The following SLCO2B1 variants were observed in gnomAD, a reference collection of about 807,000 sequenced individuals.
The protein encoded by SLCO2B1 is solute carrier organic anion transporter family member 2B1.
In SLCO2B1, 41 loss-of-function variants were observed where a neutral mutation model predicts 67.3. The observed-to-expected ratio is 0.61, with a 90% CI of 0.47 to 0.79. The LOEUF (loss-of-function observed/expected upper bound fraction) is 0.79, where lower values mean the gene tolerates loss of function less well. Ranked by LOEUF, SLCO2B1 falls within the 30% of genes least tolerant of loss-of-function variation. The pLI is 0.00. For synonymous variants in SLCO2B1, 379 were observed against 381.4 expected, an observed-to-expected ratio of 0.99 and a Z score of 0.07; for missense variants, 837 against 920.1, an observed-to-expected ratio of 0.91 and a Z score of 1.17.
At position 75,193,178 on chromosome 11, in the gene SLCO2B1, G is replaced by C; in HGVS notation, c.1076-40G>C. On this transcript the variant is annotated intron_variant, in intron 8 of 13. Transcript: ENST00000289575. This position sits in a 1 kb window ranked among gnomAD's most constrained non-coding sequence, Gnocchi z 4.2. ...AGGGCAGTCTCTGCTGGACAGCTTG[G>C]CTGCCCTGCCTGCCCTGACCTCTGC... 1 of 1,505,370 alleles carries C rather than the reference G, an allele frequency of 6.6e-7. No individual in the cohort carries two copies. Among genetic ancestry groups the C allele is most frequent in the Non-Finnish European group, 9.1e-7 (1 of 1,102,300 alleles). 93.3% of individuals were successfully genotyped at this position (1,505,370 alleles called of 1,614,324 possible).
Position 75,163,964 on chromosome 11 carries a change from T to C in SLCO2B1, c.149T>C (p.Leu50Pro), listed in dbSNP as rs767405995. Reference protein sequence around the residue: ...VRPSVFHNIKLFVLCHSLLQL... With the variant: ...VRPSVFHNIKPFVLCHSLLQL... ...GCCTGCCTCCGGGTCCCCCCACAGC[T>C]GTTCGTTCTGTGCCACAGCCTGCTG... Residue 50 changes from leucine (L) to proline (P), a missense_variant and splice_region_variant, in exon 3 of 14, where the codon CTG (leucine) becomes CCG (proline). By Grantham distance (98) the Leu-to-Pro change is moderately conservative. Transcript: ENST00000289575. 2.5e-6 allele frequency: 4 copies of C among 1,597,560 alleles called. No homozygotes were observed. In the East Asian group the frequency reaches 9.1e-5, roughly 37 times the overall value.
chr11:75,206,483 C>T lies in SLCO2B1; in HGVS notation c.*1903C>T, dbSNP rs1439859614. The T allele has an allele frequency of 6.6e-6, 1 of 152,112 alleles. No homozygotes were observed. The highest frequency in any genetic ancestry group is 2.4e-5 in the African/African-American group (1 of 41,434). The allele number at this position is 152,112 out of a possible 1,614,324, so 9.4% of individuals were successfully genotyped here. Reference sequence around the variant, plus strand: ...ATAAGGTCATGAGGATTTCTGAATCCTCACCTGTCCAAATTGTCATTCACA... The same window carrying T: ...ATAAGGTCATGAGGATTTCTGAATCTTCACCTGTCCAAATTGTCATTCACA... On this transcript the variant is annotated 3_prime_UTR_variant, in exon 14 of 14. Transcript: ENST00000289575.
intron 7 of SLCO2B1, among the ~76,000 whole-genome samples, chr11:75,175,389 C>T (rs1198036900): frequency 1.3e-5 from 2 of 152,084 alleles, no homozygotes; most frequent in Non-Finnish European, 2.9e-5. Context: ...TCCAGGCCCC[C>T]AGACATGGGA....
chr11:75,186,212 A>AT lies in SLCO2B1; in HGVS notation c.973-1910dup, dbSNP rs761648712. Among the ~76,000 whole-genome samples, 1,391 of 142,218 alleles carry AT rather than the reference A, an allele frequency of 9.8e-3. 18 individuals carry two copies. The highest frequency in any genetic ancestry group is 0.037 in the Middle Eastern group (10 of 268). The allele number at this position is 142,218 out of a possible 152,430, so 93.3% of individuals were successfully genotyped here. On this transcript the variant is annotated intron_variant, in intron 7 of 13. Coordinates refer to ENST00000289575, the MANE Select transcript of SLCO2B1 (RefSeq NM_007256.5). ...TGGTGTGTGCCACCACACCTGGCTGATTTTTTTTTTTTTTGAGAGGGAGTC... is the reference window on the plus strand; with the variant it reads ...TGGTGTGTGCCACCACACCTGGCTGATTTTTTTTTTTTTTTGAGAGGGAGTC...
Position 75,181,976 on chromosome 11 carries a change from C to T in SLCO2B1, c.973-6160C>T, listed in dbSNP as rs958764331. On this transcript the variant is annotated intron_variant, in intron 7 of 13. Transcript: ENST00000289575. ...GGACAGATAGGGCTCCCAATAGCCA[C>T]AGAATATAGCCCAAATCTCAGCCTG... Among the ~76,000 whole-genome samples the T allele has an allele frequency of 3.9e-5, 6 of 152,228 alleles. No individual in the cohort carries two copies. The East Asian group carries it at 5.8e-4, about 15-fold the overall frequency.
intron 10 of SLCO2B1, among the ~76,000 whole-genome samples, chr11:75,197,889 C>T (rs1945124227): frequency 6.6e-6 from 1 of 152,174 alleles, no homozygotes; most frequent in African/African-American, 2.4e-5. Context: ...CCCCTTTTTC[C>T]TCAGTTCCCC....
chr11:75,155,782 A>G (rs1459113462), intron 1 of SLCO2B1, among the ~76,000 whole-genome samples: 1 of 152,198 alleles, frequency 6.6e-6, no homozygotes, highest in African/African-American at 2.4e-5. Context: ...TCGAAAGATA[A>G]GTGGTTTGCT....
intron 7 of SLCO2B1, among the ~76,000 whole-genome samples, chr11:75,181,110 T>C (rs1950086282): frequency 6.6e-6 from 1 of 152,118 alleles, no homozygotes. Context: ...GGCTCACACC[T>C]GTAATCCCAG....
Position 75,204,429 on chromosome 11 carries a change from C to T in SLCO2B1, c.1979C>T (p.Thr660Ile), listed in dbSNP as rs375220968. 1 of 1,609,516 alleles carries T rather than the reference C, an allele frequency of 6.2e-7. No individual in the cohort carries two copies. The highest frequency in any genetic ancestry group is 1.3e-5 in the African/African-American group (1 of 74,738). ...RFIGLQFFFK[T>I]GSVICFALVL... ...ATCGGCCTCCAGTTCTTCTTCAAAA[C>T]AGGTTCTGTGATCTGCTTCGCCTTA... The change falls in exon 14 of 14, where the codon ACA becomes ATA. Residue 660 changes from threonine to isoleucine, a missense_variant. Thr to Ile is a moderately conservative substitution (Grantham distance 89). Coordinates refer to ENST00000289575, the MANE Select transcript of SLCO2B1 (RefSeq NM_007256.5).
chr11:75,189,204 C>T (rs1259838039), intron 8 of SLCO2B1, among the ~76,000 whole-genome samples: 6 of 152,150 alleles, frequency 3.9e-5, no homozygotes, highest in African/African-American at 1.4e-4. Flanking sequence ...ATTATGACCC[C>T]AGGAGCATTG....
chr11:75,195,622 C>T (rs1411238541), intron 9 of SLCO2B1, among the ~76,000 whole-genome samples: 1 of 152,132 alleles, frequency 6.6e-6, no homozygotes, highest in Non-Finnish European at 1.5e-5. Flanking sequence ...GCTCCAGTCC[C>T]AGCCTCACTG....
At chr11:75,159,269 G>A (rs1949784655) in intron 1 of SLCO2B1, among the ~76,000 whole-genome samples, 1 of 152,240 alleles carries the variant, frequency 6.6e-6, no homozygotes, top group Admixed American at 6.5e-5. Context: ...AGCTCGGGCT[G>A]TGGGTCCCTA....
intron 3 of SLCO2B1, 125 bp downstream of exon 3, chr11:75,164,225 G>A (rs1444871391): frequency 3.8e-6 from 4 of 1,054,408 alleles, no homozygotes; most frequent in Non-Finnish European, 5.3e-6. Context: ...GGCAACCCCT[G>A]TCCCAGCGCC....
intron 3 of SLCO2B1, 77 bp downstream of exon 3, chr11:75,164,177 C>G: frequency 6.7e-7 from 1 of 1,483,110 alleles, no homozygotes; most frequent in Non-Finnish European, 9.1e-7. Context: ...TCCCCTCTCA[C>G]TACCCTACCT....
At chr11:75,184,143 T>C (rs569791906) in intron 7 of SLCO2B1, among the ~76,000 whole-genome samples, 4 of 152,074 alleles carry the variant, frequency 2.6e-5, no homozygotes, top group South Asian at 4.2e-4. Flanking sequence ...TTTCATTTTT[T>C]CCCCCAAAAG....
intron 1 of SLCO2B1, among the ~76,000 whole-genome samples, chr11:75,152,678 C>G (rs892686815): frequency 2.6e-5 from 4 of 152,118 alleles, no homozygotes; most frequent in Non-Finnish European, 4.4e-5. Context: ...ACAAGTCCCC[C>G]CAGTACTATT....
In SLCO2B1 at chr11:75,204,627, C is replaced by G; in HGVS notation, c.*47C>G. 1.3e-6 allele frequency: 2 copies of G among 1,533,354 alleles called. No individual in the cohort carries two copies. The highest frequency in any genetic ancestry group is 1.8e-6 in the Non-Finnish European group (2 of 1,135,848). The allele number at this position is 1,533,354 out of a possible 1,614,324, so 95.0% of individuals were successfully genotyped here. On this transcript the variant is annotated 3_prime_UTR_variant, in exon 14 of 14. Coordinates refer to ENST00000289575, the MANE Select transcript of SLCO2B1 (RefSeq NM_007256.5). ...GCCAAGAGTAGCAGCCACAGCAGTA[C>G]CTCCTCTGAGTCCTTTGCCCAAGAT...
At chr11:75,185,012 G>C (rs1333685754) in intron 7 of SLCO2B1, among the ~76,000 whole-genome samples, 3 of 152,034 alleles carry the variant, frequency 2.0e-5, no homozygotes, top group Admixed American at 6.6e-5. Context: ...CTCCCTGCTG[G>C]AATGAAAGAA....
At chr11:75,159,310 C>A (rs1432996560) in intron 1 of SLCO2B1, among the ~76,000 whole-genome samples, 2 of 152,228 alleles carry the variant, frequency 1.3e-5, no homozygotes, top group African/African-American at 4.8e-5. Flanking sequence ...TACCTGGGAC[C>A]CCAAAACTTA....
Sources: gnomAD v4.1 joint callset for allele counts (sites outside exome capture counted in the v4.1 genomes callset) on GRCh38, gnomAD v4.1.1 for gene constraint, Gnocchi (gnomAD v3.1) non-coding constraint, MANE v1.5 for transcripts, NCBI Gene and HGNC (gene_info 2026-07-23, HGNC 2026-07-21) for gene names.